Variants in TBC1D16 observed in about 807,000 individuals in gnomAD.
TBC1D16 encodes TBC1 domain family member 16.
Under a neutral mutation model 74.7 loss-of-function variants are expected in TBC1D16, and 58 were observed. The observed-to-expected ratio is 0.78, with a 90% CI of 0.63 to 0.97. TBC1D16 has a LOEUF of 0.97. Among genes scored for constraint, TBC1D16 ranks in the 50% least tolerant of loss-of-function variants. The pLI, the probability that TBC1D16 is intolerant of heterozygous loss-of-function variation, is 0.00. For synonymous variants in TBC1D16, 493 were observed against 474.7 expected (o/e 1.04, Z -0.50); for missense variants, 1,014 against 1,079.5 (o/e 0.94, Z 0.85).
At chr17:79,995,602 A>G (rs1344854341) in intron 3 of TBC1D16, among the ~76,000 whole-genome samples, 2 of 144,858 alleles carry the variant, frequency 1.4e-5, no homozygotes, top group African/African-American at 2.5e-5. Flanking sequence ...TGGCTAACAC[A>G]GTGAAACCCC....
intron 3 of TBC1D16, among the ~76,000 whole-genome samples, chr17:79,991,011 G>A (rs546497866): frequency 1.4e-4 from 21 of 152,352 alleles, no homozygotes; most frequent in South Asian, 1.2e-3. Context: ...GAACTTGGAC[G>A]CTTTCACCAT....
rs1403755994 is a variant in TBC1D16 at position 80,000,296 on chromosome 17, CTAAGA to C, written c.779+9859_779+9863del. Among the ~76,000 whole-genome samples the C allele has an allele frequency of 2.0e-5, 3 of 152,166 alleles. No individual in the cohort carries two copies. The highest frequency in any genetic ancestry group is 7.2e-5 in the African/African-American group (3 of 41,436). ...TAGGGTCTCAGCAGATGTCACCAAGCTAAGATGAGGTCACCCTAGATTTGAGTAGG... is the reference window on the plus strand; with the variant it reads ...TAGGGTCTCAGCAGATGTCACCAAGCTGAGGTCACCCTAGATTTGAGTAGG... On this transcript the variant is annotated intron_variant, in intron 3 of 11. Transcript: ENST00000310924. This position sits in a 1 kb window ranked among gnomAD's most constrained non-coding sequence, Gnocchi z 4.1.
Position 79,981,931 on chromosome 17 carries a change from A to AC in TBC1D16, c.779+28228dup, listed in dbSNP as rs2092858204. On this transcript the variant is annotated intron_variant, in intron 3 of 11. Coordinates refer to ENST00000310924, the MANE Select transcript of TBC1D16 (RefSeq NM_019020.4). The surrounding 1 kb of genome is among the most constrained non-coding windows in gnomAD (Gnocchi z 6.9). ...TGCGCACACACACACGCACACACAC[A>AC]CACATGCACATGTATTAAAGCAAAA... Among the ~76,000 whole-genome samples the AC allele has an allele frequency of 6.6e-6, 1 of 152,280 alleles. No individual in the cohort carries two copies. The highest frequency in any genetic ancestry group is 2.4e-5 in the African/African-American group (1 of 41,552).
intron 3 of TBC1D16, among the ~76,000 whole-genome samples, chr17:79,984,917 G>A (rs7211102): frequency 0.018 from 1,997 of 113,432 alleles, 16 homozygotes; most frequent in African/African-American, 0.041. Flanking sequence ...CTCCAGCTTC[G>A]GACACAGCCC....
At position 79,975,136 on chromosome 17, in the gene TBC1D16, G is replaced by A. The variant is rs745728246; in HGVS notation, c.780-22318C>T. ...CACCCGGAACAATCCGCCAGGCCGC[G>A]TCACTCCTCACCCTCCAGCAGGGCT... On this transcript the variant is annotated intron_variant, in intron 3 of 11. Transcript: ENST00000310924. This position sits in a 1 kb window ranked among gnomAD's most constrained non-coding sequence, Gnocchi z 4.5. Among the ~76,000 whole-genome samples the A allele has an allele frequency of 2.0e-5, 3 of 152,262 alleles. No individual in the cohort carries two copies. The highest frequency in any genetic ancestry group is 6.5e-5 in the Admixed American group (1 of 15,290).
chr17:79,960,103 C>T (rs1236303292), intron 3 of TBC1D16, among the ~76,000 whole-genome samples: 1 of 151,964 alleles, frequency 6.6e-6, no homozygotes, highest in Non-Finnish European at 1.5e-5. Flanking sequence ...AAACCTTCTA[C>T]TCTTTAAGAG....
intron 3 of TBC1D16, among the ~76,000 whole-genome samples, chr17:79,991,201 G>T (rs2035044838): frequency 6.6e-6 from 1 of 152,250 alleles, no homozygotes; most frequent in African/African-American, 2.4e-5. Flanking sequence ...CTGTCCCGGG[G>T]GCGGTCCCTG....
chr17:79,949,616 G>A (rs1258453396), intron 7 of TBC1D16, 101 bp downstream of exon 7: 1 of 1,428,368 alleles, frequency 7.0e-7, no homozygotes. Context: ...TATGGGTCAC[G>A]AAACATATTA....
chr17:80,022,754 A>C (rs555028629), intron 1 of TBC1D16, among the ~76,000 whole-genome samples: 5 of 149,548 alleles, frequency 3.3e-5, no homozygotes, highest in Non-Finnish European at 4.4e-5. Context: ...CTCCTGCCTC[A>C]GCCTCCCATG....
At chr17:79,946,406 G>A (rs2032543490) in intron 9 of TBC1D16, among the ~76,000 whole-genome samples, 1 of 152,162 alleles carries the variant, frequency 6.6e-6, no homozygotes, top group African/African-American at 2.4e-5. Flanking sequence ...ATGCTCGCTG[G>A]CCCGTCCACC....
chr17:79,983,167 C>T lies in TBC1D16; in HGVS notation c.779+26993G>A, dbSNP rs79367118. 8.7e-3 allele frequency among the ~76,000 whole-genome samples: 1,323 copies of T among 152,294 alleles called. 10 individuals carry two copies. The highest frequency in any genetic ancestry group is 0.017 in the Middle Eastern group (5 of 294). The stretch of plus-strand genomic sequence containing the variant: ...AATGCTACGTCCCTCACCAACAGGC[C>T]GCTGTGCAGGCGTGAAACCCAGTGG... On this transcript the variant is annotated intron_variant, in intron 3 of 11. Coordinates refer to ENST00000310924, the MANE Select transcript of TBC1D16 (RefSeq NM_019020.4). The surrounding 1 kb of genome is among the most constrained non-coding windows in gnomAD (Gnocchi z 5.6).
intron 3 of TBC1D16, among the ~76,000 whole-genome samples, chr17:79,977,084 G>A (rs2034361129): frequency 6.6e-6 from 1 of 152,198 alleles, no homozygotes; most frequent in South Asian, 2.1e-4. Flanking sequence ...TGTTGCCCAT[G>A]AATTCATCCT....
chr17:80,011,899 T>A (rs562845384), intron 2 of TBC1D16, among the ~76,000 whole-genome samples: 1 of 152,218 alleles, frequency 6.6e-6, no homozygotes, highest in Admixed American at 6.5e-5. Flanking sequence ...ACTCATGGCA[T>A]TTTTTTAATG....
At position 79,983,138 on chromosome 17, in the gene TBC1D16, G is replaced by T. The variant is rs936572679; in HGVS notation, c.779+27022C>A. Among the ~76,000 whole-genome samples the T allele has an allele frequency of 4.6e-5, 7 of 152,248 alleles. No individual in the cohort carries two copies. Among genetic ancestry groups the T allele is most frequent in the African/African-American group, 1.7e-4 (7 of 41,466 alleles). ...ATGTCCATGGAAGGGGCATGGGCAA[G>T]TGAAATGCTACGTCCCTCACCAACA... On this transcript the variant is annotated intron_variant, in intron 3 of 11. Coordinates refer to ENST00000310924, the MANE Select transcript of TBC1D16 (RefSeq NM_019020.4). This position sits in a 1 kb window ranked among gnomAD's most constrained non-coding sequence, Gnocchi z 5.6.
intron 3 of TBC1D16, among the ~76,000 whole-genome samples, chr17:79,982,053 T>G (rs1292717619): frequency 6.6e-6 from 1 of 152,220 alleles, no homozygotes. Context: ...AAGCTGCACC[T>G]CTTTTTGAGG....
intron 2 of TBC1D16, among the ~76,000 whole-genome samples, chr17:80,011,896 G>A (rs1342592325): frequency 2.0e-5 from 3 of 152,160 alleles, no homozygotes; most frequent in African/African-American, 7.2e-5. Flanking sequence ...GGCACTCATG[G>A]CATTTTTTTA....
rs1392911048 is a variant in TBC1D16, at chr17:79,979,326, A to G, written c.780-26508T>C. ...CCCACGCCCAGAGCACACACGCTCCAGGGATGCACACCCACGCCCTGGACC... is the reference window on the plus strand; with the variant it reads ...CCCACGCCCAGAGCACACACGCTCCGGGGATGCACACCCACGCCCTGGACC... On this transcript the variant is annotated intron_variant, in intron 3 of 11. Transcript: ENST00000310924. The surrounding 1 kb of genome is among the most constrained non-coding windows in gnomAD (Gnocchi z 4.8). 6.6e-6 allele frequency among the ~76,000 whole-genome samples: 1 copy of G among 150,932 alleles called. No homozygotes were observed. The highest frequency in any genetic ancestry group is 1.5e-5 in the Non-Finnish European group (1 of 67,694).
At chr17:80,018,264 T>C (rs1374953453) in intron 1 of TBC1D16, among the ~76,000 whole-genome samples, 5 of 150,146 alleles carry the variant, frequency 3.3e-5, no homozygotes, top group Admixed American at 2.0e-4. Context: ...ATAGTCAATA[T>C]GAAAACATTA....
Position 80,008,380 on chromosome 17 carries a change from C to A in TBC1D16, c.779+1780G>T, listed in dbSNP as rs997255267. Among the ~76,000 whole-genome samples the A allele has an allele frequency of 6.6e-6, 1 of 152,156 alleles. No homozygotes were observed. The highest frequency in any genetic ancestry group is 1.5e-5 in the Non-Finnish European group (1 of 68,036). Reference sequence around the variant, plus strand: ...CTAACTCCTAAACTTGAGCTCCCTACGAGATGGGGCTGCGGGACAGAGAGC... The same window carrying A: ...CTAACTCCTAAACTTGAGCTCCCTAAGAGATGGGGCTGCGGGACAGAGAGC... On this transcript the variant is annotated intron_variant, in intron 3 of 11. Coordinates refer to ENST00000310924, the MANE Select transcript of TBC1D16 (RefSeq NM_019020.4). The surrounding 1 kb of genome is among the most constrained non-coding windows in gnomAD (Gnocchi z 4.5).
Sources: gnomAD v4.1 joint callset for allele counts (sites outside exome capture counted in the v4.1 genomes callset) on GRCh38, gnomAD v4.1.1 for gene constraint, Gnocchi (gnomAD v3.1) non-coding constraint, MANE v1.5 for transcripts, NCBI Gene and HGNC (gene_info 2026-07-23, HGNC 2026-07-21) for gene names.